Variants in HLF observed in about 807,000 individuals in gnomAD.
HLF encodes HLF transcription factor, PAR bZIP family member.
In HLF, 3 loss-of-function variants were observed where a neutral mutation model predicts 22.6. That is an observed-to-expected ratio of 0.13 (90% CI 0.06 to 0.34). The LOEUF is 0.34. Ranked by LOEUF, HLF falls within the 10% of genes least tolerant of loss-of-function variation. HLF has a pLI of 1.00. For synonymous variants in HLF, 151 were observed against 151.8 expected, an observed-to-expected ratio of 0.99 and a Z score of 0.04; for missense variants, 299 against 389.2, an observed-to-expected ratio of 0.77 and a Z score of 1.95.
chr17:55,276,864 A>G (rs1227214808), intron 2 of HLF, among the ~76,000 whole-genome samples: 2 of 152,234 alleles, frequency 1.3e-5, no homozygotes, highest in Non-Finnish European at 2.9e-5. Flanking sequence ...GAAACTTGAC[A>G]ATAGTTTCCT....
intron 2 of HLF, among the ~76,000 whole-genome samples, chr17:55,308,458 T>C (rs1452921284): frequency 6.6e-6 from 1 of 152,122 alleles, no homozygotes; most frequent in African/African-American, 2.4e-5. Flanking sequence ...CTTTTACACA[T>C]AAGGGAATTG....
chr17:55,283,108 AT>A (rs1046805875), intron 2 of HLF, among the ~76,000 whole-genome samples: 56 of 151,910 alleles, frequency 3.7e-4, no homozygotes, highest in African/African-American at 1.3e-3. Context: ...AGACAAAATA[AT>A]TTTTTTATAA....
rs1905291208 is a variant in HLF, at chr17:55,322,384, A to C, written c.*1505A>C. On this transcript the variant is annotated 3_prime_UTR_variant, in exon 4 of 4. Transcript: ENST00000226067. The stretch of plus-strand genomic sequence containing the variant: ...CAATGTATTTTGGAAGACATATATT[A>C]TATATAGAAAAGAGGAGAGGAAAAC... The C allele has an allele frequency of 5.2e-6, 1 of 192,462 alleles. No homozygotes were observed. Among genetic ancestry groups the C allele is most frequent in the East Asian group, 8.3e-5 (1 of 12,038 alleles). 11.9% of individuals were successfully genotyped at this position (192,462 alleles called of 1,614,324 possible).
At chr17:55,303,504 C>T (rs1904395832) in intron 2 of HLF, among the ~76,000 whole-genome samples, 1 of 152,172 alleles carries the variant, frequency 6.6e-6, no homozygotes, top group Non-Finnish European at 1.5e-5. Flanking sequence ...GGTGATAGGG[C>T]TCATTGTCCA....
At chr17:55,282,257 T>A (rs1290180968) in intron 2 of HLF, among the ~76,000 whole-genome samples, 1 of 152,212 alleles carries the variant, frequency 6.6e-6, no homozygotes. Context: ...GAGTCTTGCT[T>A]CCAGGTTTTT....
rs1049337736 is a variant in HLF at position 55,323,260 on chromosome 17, C to T, written c.*2381C>T. On this transcript the variant is annotated 3_prime_UTR_variant, in exon 4 of 4. Coordinates refer to ENST00000226067, the MANE Select transcript of HLF (RefSeq NM_002126.5). ...ATAAATAAAAGATAGCAATATGAGACACAGGTGGACGTAGAGTTGGCCTTT... is the reference window on the plus strand; with the variant it reads ...ATAAATAAAAGATAGCAATATGAGATACAGGTGGACGTAGAGTTGGCCTTT... The T allele has an allele frequency of 1.4e-5, 3 of 217,000 alleles. No homozygotes were observed. Among genetic ancestry groups the T allele is most frequent in the Non-Finnish European group, 1.9e-5 (2 of 107,878 alleles). 13.4% of individuals were successfully genotyped at this position (217,000 alleles called of 1,614,324 possible). A position where few individuals can be genotyped will look rare whatever the true frequency, so the allele number is the denominator to read the frequency against.
At chr17:55,274,478 T>C (rs1343216694) in intron 2 of HLF, among the ~76,000 whole-genome samples, 1 of 152,186 alleles carries the variant, frequency 6.6e-6, no homozygotes, top group Non-Finnish European at 1.5e-5. Flanking sequence ...TTTCTATAAA[T>C]TTAAATTTCC....
At chr17:55,308,404 A>G (rs1161626701) in intron 2 of HLF, among the ~76,000 whole-genome samples, 1 of 152,162 alleles carries the variant, frequency 6.6e-6, no homozygotes, top group Non-Finnish European at 1.5e-5. Context: ...CTTTGTATGT[A>G]TTATCTAGTT....
In HLF at chr17:55,324,342, C is replaced by T. The variant is rs145864569; in HGVS notation, c.*3463C>T. 2.9e-3 allele frequency: 671 copies of T among 229,496 alleles called. 9 individuals carry two copies. The highest frequency in any genetic ancestry group is 0.014 in the African/African-American group (628 of 45,226). The allele number at this position is 229,496 out of a possible 1,614,324, so 14.2% of individuals were successfully genotyped here. ...CAATCAGATGTCTAGGGTCTGTTTTCGGAAGAAGCAAGAATTATCAGTGGC... is the reference window on the plus strand; with the variant it reads ...CAATCAGATGTCTAGGGTCTGTTTTTGGAAGAAGCAAGAATTATCAGTGGC... On this transcript the variant is annotated 3_prime_UTR_variant, in exon 4 of 4. Coordinates refer to ENST00000226067, the MANE Select transcript of HLF (RefSeq NM_002126.5).
intron 2 of HLF, among the ~76,000 whole-genome samples, chr17:55,270,692 G>C (rs963660367): frequency 7.6e-6 from 1 of 130,806 alleles, no homozygotes; most frequent in South Asian, 2.3e-4. Flanking sequence ...ACGGAGTCTC[G>C]CTCTGTCGCC....
Position 55,300,910 on chromosome 17 carries a change from T to C in HLF, c.452-14317T>C, listed in dbSNP as rs138975970. Among the ~76,000 whole-genome samples, 325 of 152,356 alleles carry C rather than the reference T, an allele frequency of 2.1e-3. 4 individuals are homozygous for C. The highest frequency in any genetic ancestry group is 7.5e-3 in the African/African-American group (311 of 41,574). ...TGAACATCTAAGACCCTTCTGTGTC[T>C]GTCTCAATGCTTACCACTCTTCTTA... On this transcript the variant is annotated intron_variant, in intron 2 of 3. Coordinates refer to ENST00000226067, the MANE Select transcript of HLF (RefSeq NM_002126.5).
intron 2 of HLF, among the ~76,000 whole-genome samples, chr17:55,300,499 C>T (rs2081147571): frequency 6.6e-6 from 1 of 152,196 alleles, no homozygotes; most frequent in Non-Finnish European, 1.5e-5. Context: ...GCTTCTTCAT[C>T]TGGGCATCTG....
intron 2 of HLF, among the ~76,000 whole-genome samples, chr17:55,296,161 C>A (rs917008589): frequency 6.6e-6 from 1 of 152,128 alleles, no homozygotes; most frequent in African/African-American, 2.4e-5. Context: ...GTGAATATTC[C>A]TGAGGTGTGG....
At chr17:55,269,175 T>C (rs934466389) in intron 2 of HLF, among the ~76,000 whole-genome samples, 4 of 152,190 alleles carry the variant, frequency 2.6e-5, no homozygotes, top group African/African-American at 9.7e-5. Flanking sequence ...AAGGAAATGA[T>C]GTAAAGGAGG....
chr17:55,318,667 T>C (rs1251038229), intron 3 of HLF, among the ~76,000 whole-genome samples: 1 of 152,198 alleles, frequency 6.6e-6, no homozygotes, highest in Non-Finnish European at 1.5e-5. Flanking sequence ...TGTTCCCCCG[T>C]GTGCAGACTC....
chr17:55,265,935 C>A, intron 1 of HLF: 2 of 916,082 alleles, frequency 2.2e-6, no homozygotes, highest in South Asian at 4.9e-5. Flanking sequence ...AGAGCGAGCC[C>A]GCCTGCGGAG....
intron 2 of HLF, among the ~76,000 whole-genome samples, chr17:55,302,903 G>A (rs752049666): frequency 3.9e-5 from 6 of 152,190 alleles, no homozygotes; most frequent in African/African-American, 7.2e-5. Context: ...TAGGGGGACC[G>A]AGGTAAATTG....
At chr17:55,288,127 G>GT (rs921806491) in intron 2 of HLF, among the ~76,000 whole-genome samples, 3 of 152,030 alleles carry the variant, frequency 2.0e-5, no homozygotes, top group Non-Finnish European at 2.9e-5. Context: ...TCTCGTGACT[G>GT]TTTCACTATT....
In HLF at chr17:55,265,297, T is replaced by C; in HGVS notation, c.-188T>C. On this transcript the variant is annotated 5_prime_UTR_variant, in exon 1 of 4. Transcript: ENST00000226067. ...TCTGCACTGGAAACCCGAAAGTTTT[T>C]TTTTAATATATATTTTTATGCAGAT... 2.0e-6 allele frequency: 1 copy of C among 500,596 alleles called. No individual in the cohort carries two copies. Among genetic ancestry groups the C allele is most frequent in the Non-Finnish European group, 3.5e-6 (1 of 289,128 alleles). 31.0% of individuals were successfully genotyped at this position (500,596 alleles called of 1,614,324 possible).
Sources: gnomAD v4.1 joint callset for allele counts (sites outside exome capture counted in the v4.1 genomes callset) on GRCh38, gnomAD v4.1.1 for gene constraint, MANE v1.5 for transcripts, NCBI Gene and HGNC (gene_info 2026-07-23, HGNC 2026-07-21) for gene names.